NKAIN2: variants seen among roughly 807,000 people sequenced by gnomAD.
NKAIN2 encodes the protein sodium/potassium-transporting ATPase subunit beta-1-interacting protein 2.
NKAIN2 carries 14 observed loss-of-function variants against 32.6 expected under a neutral mutation model. The ratio of observed to expected loss-of-function variants is 0.43; its 90% CI spans 0.28 to 0.67. The LOEUF (loss-of-function observed/expected upper bound fraction) is 0.67. NKAIN2 is among the 30% of genes least tolerant of loss of function. The pLI, the probability that NKAIN2 is intolerant of heterozygous loss-of-function variation, is 0.17. For missense variants in NKAIN2, 198 were observed against 258.3 expected (o/e 0.77, Z 1.60); for synonymous variants, 80 against 87.2 (o/e 0.92, Z 0.46).
At chr6:123,928,539 C>G (rs1291134610) in intron 1 of NKAIN2, among the ~76,000 whole-genome samples, 4 of 152,114 alleles carry the variant, frequency 2.6e-5, no homozygotes, top group Non-Finnish European at 5.9e-5. Context: ...GACAAAAAGT[C>G]CTCCAGAGAA....
chr6:124,237,679 G>A (rs1227619956), intron 1 of NKAIN2, among the ~76,000 whole-genome samples: 1 of 152,082 alleles, frequency 6.6e-6, no homozygotes, highest in Non-Finnish European at 1.5e-5. Flanking sequence ...CTCAGAAACA[G>A]GAGTGAGTGA....
At chr6:123,990,102 C>T (rs1202786585) in intron 1 of NKAIN2, among the ~76,000 whole-genome samples, 1 of 152,068 alleles carries the variant, frequency 6.6e-6, no homozygotes, top group Non-Finnish European at 1.5e-5. Context: ...AGGATAAATG[C>T]CAGACACTAT....
At chr6:124,255,467 A>G (rs376762374) in intron 1 of NKAIN2, among the ~76,000 whole-genome samples, 1 of 152,192 alleles carries the variant, frequency 6.6e-6, no homozygotes, top group African/African-American at 2.4e-5. Context: ...GATAATACGC[A>G]TGTTAATTTA....
chr6:123,928,059 A>C (rs558303254), intron 1 of NKAIN2, among the ~76,000 whole-genome samples: 1 of 152,184 alleles, frequency 6.6e-6, no homozygotes, highest in African/African-American at 2.4e-5. Flanking sequence ...ATGGCATACT[A>C]TGCAGCCACA....
chr6:124,033,093 CT>C lies in NKAIN2; in HGVS notation c.54+228843del, dbSNP rs1236237973. Among the ~76,000 whole-genome samples the C allele has an allele frequency of 3.9e-5, 6 of 152,094 alleles. No homozygotes were observed. The South Asian group carries it at 6.2e-4, about 16-fold the overall frequency. ...GAGGAAAGCAAATAGATTTCTCTTT[CT>C]TTTAGCCAAAATGTAGAGAAAAGAG... On this transcript the variant is annotated intron_variant, in intron 1 of 6. Coordinates refer to ENST00000368417, the MANE Select transcript of NKAIN2 (RefSeq NM_001040214.3).
At chr6:124,350,312 G>A (rs73770417) in intron 2 of NKAIN2, among the ~76,000 whole-genome samples, 1,738 of 151,936 alleles carry the variant, frequency 0.011, 33 homozygotes, top group African/African-American at 0.04. Flanking sequence ...ATCATAGGCC[G>A]AATTACAAGG....
intron 3 of NKAIN2, among the ~76,000 whole-genome samples, chr6:124,649,304 T>C (rs1784284071): frequency 6.6e-6 from 1 of 152,152 alleles, no homozygotes; most frequent in African/African-American, 2.4e-5. Flanking sequence ...ACTACAGATA[T>C]CTGGACAAGA....
At chr6:124,267,013 A>C (rs1794523744) in intron 1 of NKAIN2, among the ~76,000 whole-genome samples, 1 of 151,676 alleles carries the variant, frequency 6.6e-6, no homozygotes, top group Admixed American at 6.6e-5. Context: ...AAGATAGAAA[A>C]GACATTTTAA....
intron 3 of NKAIN2, among the ~76,000 whole-genome samples, chr6:124,576,624 C>T (rs540791265): frequency 2.0e-5 from 3 of 152,126 alleles, no homozygotes; most frequent in African/African-American, 7.2e-5. Flanking sequence ...ATGAGTAATA[C>T]ATAATTTCAA....
At chr6:123,861,919 A>G (rs1775800620) in intron 1 of NKAIN2, among the ~76,000 whole-genome samples, 1 of 152,218 alleles carries the variant, frequency 6.6e-6, no homozygotes, top group Non-Finnish European at 1.5e-5. Context: ...GGAAAATTAA[A>G]TAAGGTTAAT....
intron 1 of NKAIN2, among the ~76,000 whole-genome samples, chr6:124,118,607 T>C (rs1173557786): frequency 1.3e-5 from 2 of 152,156 alleles, no homozygotes; most frequent in Admixed American, 1.3e-4. Flanking sequence ...GGCATTCTTC[T>C]TATTGTCTAC....
intron 1 of NKAIN2, among the ~76,000 whole-genome samples, chr6:123,880,133 A>C (rs1773380615): frequency 6.6e-6 from 1 of 152,176 alleles, no homozygotes; most frequent in South Asian, 2.1e-4. Context: ...AGCACGAGGC[A>C]TTTTGCAGTA....
chr6:124,050,229 C>G (rs1782341254), intron 1 of NKAIN2, among the ~76,000 whole-genome samples: 1 of 151,908 alleles, frequency 6.6e-6, no homozygotes, highest in African/African-American at 2.4e-5. Flanking sequence ...ATAGGGCACT[C>G]ACATGCATTG....
At chr6:124,665,845 T>C (rs1772769337) in intron 4 of NKAIN2, among the ~76,000 whole-genome samples, 1 of 152,184 alleles carries the variant, frequency 6.6e-6, no homozygotes, top group Admixed American at 6.5e-5. Context: ...CAACTAGCCT[T>C]TTATCAGATA....
At chr6:124,303,173 T>C (rs1408531677) in intron 2 of NKAIN2, among the ~76,000 whole-genome samples, 1 of 152,190 alleles carries the variant, frequency 6.6e-6, no homozygotes, top group Middle Eastern at 3.2e-3. Flanking sequence ...CAGACAACCA[T>C]TGGTAGTTTT....
chr6:124,167,696 A>G (rs1238675294), intron 1 of NKAIN2, among the ~76,000 whole-genome samples: 2 of 152,196 alleles, frequency 1.3e-5, no homozygotes, highest in Non-Finnish European at 2.9e-5. Flanking sequence ...ATGTCCCATC[A>G]GTACCTAATT....
rs1464203006 is a variant in NKAIN2 at position 124,602,798 on chromosome 6, TG to T, written c.274-55386del. On this transcript the variant is annotated intron_variant, in intron 3 of 6. Coordinates refer to ENST00000368417, the MANE Select transcript of NKAIN2 (RefSeq NM_001040214.3). Reference sequence around the variant, plus strand: ...TTCTTTACCTTTCTCACCCACATTCTGGAATGTAGAACTTTCGTTTTCCACA... The same window carrying T: ...TTCTTTACCTTTCTCACCCACATTCTGAATGTAGAACTTTCGTTTTCCACA... 2.6e-5 allele frequency among the ~76,000 whole-genome samples: 4 copies of T among 151,996 alleles called. No homozygotes were observed. The East Asian group carries it at 7.7e-4, about 29-fold the overall frequency.
At chr6:124,626,490 CAGAG>C (rs1294593066) in intron 3 of NKAIN2, among the ~76,000 whole-genome samples, 4 of 152,062 alleles carry the variant, frequency 2.6e-5, no homozygotes. Context: ...AGCATTCACA[CAGAG>C]AGGTATGTAA....
In NKAIN2 at chr6:124,137,267, A is replaced by C. The variant is rs1255304901; in HGVS notation, c.55-145738A>C. Reference sequence around the variant, plus strand: ...CTCAATCTTTTTTTCAACGACTGGAAAAAAGTATAAATTACTTAGAAATAT... The same window carrying C: ...CTCAATCTTTTTTTCAACGACTGGACAAAAGTATAAATTACTTAGAAATAT... On this transcript the variant is annotated intron_variant, in intron 1 of 6. Transcript: ENST00000368417. Among the ~76,000 whole-genome samples the C allele has an allele frequency of 6.6e-5, 10 of 152,096 alleles. No individual in the cohort carries two copies. In the South Asian group the frequency reaches 1.9e-3, roughly 28 times the overall value.
Sources: gnomAD v4.1 joint callset for allele counts (sites outside exome capture counted in the v4.1 genomes callset) on GRCh38, gnomAD v4.1.1 for gene constraint, MANE v1.5 for transcripts, NCBI Gene and HGNC (gene_info 2026-07-23, HGNC 2026-07-21) for gene names.